The following TRPC4 variants were observed in gnomAD, a reference collection of about 807,000 sequenced individuals.
TRPC4 encodes the protein transient receptor potential cation channel subfamily C member 4.
Under a neutral mutation model 99.4 loss-of-function variants are expected in TRPC4, and 49 were observed. That is an observed-to-expected ratio of 0.49 (90% CI 0.39 to 0.63). The LOEUF (loss-of-function observed/expected upper bound fraction) is 0.63, where lower values mean the gene tolerates loss of function less well. Ranked by LOEUF, TRPC4 falls within the 20% of genes least tolerant of loss-of-function variation. The probability of loss-of-function intolerance (pLI) is 0.00; values close to 1 mark genes in which losing one functional copy is unlikely to be tolerated. For synonymous variants in TRPC4, 454 were observed against 425.9 expected, an observed-to-expected ratio of 1.07 and a Z score of -0.81; for missense variants, 898 against 1,152.9, an observed-to-expected ratio of 0.78 and a Z score of 3.20.
At chr13:37,716,371 T>C (rs1286263113) in intron 3 of TRPC4, among the ~76,000 whole-genome samples, 1 of 152,168 alleles carries the variant, frequency 6.6e-6, no homozygotes, top group Non-Finnish European at 1.5e-5. Context: ...TATAAGTACA[T>C]TAATTTTAAA....
chr13:37,634,107 C>A lies in TRPC4; in HGVS notation c.*2796G>T, dbSNP rs187848242. ...CAGATTTTTTAAGATTAAGAGAGTA[C>A]GAAAAATGAGAAACATTATTTATGT... On this transcript the variant is annotated 3_prime_UTR_variant, in exon 11 of 11. Coordinates refer to ENST00000379705, the MANE Select transcript of TRPC4 (RefSeq NM_016179.4). Among the ~76,000 whole-genome samples, 1 of 151,746 alleles carries A rather than the reference C, an allele frequency of 6.6e-6. No individual in the cohort carries two copies. Among genetic ancestry groups the A allele is most frequent in the Non-Finnish European group, 1.5e-5 (1 of 67,906 alleles).
intron 2 of TRPC4, among the ~76,000 whole-genome samples, chr13:37,774,041 T>A (rs938003787): frequency 1.3e-5 from 2 of 151,758 alleles, no homozygotes. Context: ...CTAGTGTTGC[T>A]TAGTGATTAA....
intron 1 of TRPC4, among the ~76,000 whole-genome samples, chr13:37,863,459 T>C (rs556797056): frequency 6.6e-6 from 1 of 151,740 alleles, no homozygotes; most frequent in Non-Finnish European, 1.5e-5. Context: ...TACTTATATG[T>C]ATGTTGTATA....
At chr13:37,726,276 A>G (rs893141234) in intron 3 of TRPC4, among the ~76,000 whole-genome samples, 3 of 152,146 alleles carry the variant, frequency 2.0e-5, no homozygotes, top group African/African-American at 7.2e-5. Flanking sequence ...TAAGAGACAA[A>G]TGCATTTTAA....
intron 2 of TRPC4, among the ~76,000 whole-genome samples, chr13:37,781,382 C>G (rs895032171): frequency 2.0e-5 from 3 of 151,918 alleles, no homozygotes; most frequent in African/African-American, 7.3e-5. Context: ...TTAGAAAATG[C>G]AAATACTTGA....
intron 1 of TRPC4, among the ~76,000 whole-genome samples, chr13:37,864,434 T>A (rs2139732593): frequency 6.6e-6 from 1 of 151,782 alleles, no homozygotes; most frequent in South Asian, 2.1e-4. Context: ...AAATTATTTT[T>A]GTAACATAAG....
Position 37,651,481 on chromosome 13 carries a change from C to T in TRPC4, c.1885-22G>A, listed in dbSNP as rs779353604. ...GGTCCTGAACAGGAGAACATGACAA[C>T]TGATGATAGGTTCCTTAATTAACAA... On this transcript the variant is annotated intron_variant, in intron 7 of 10. Transcript: ENST00000379705. 3.1e-6 allele frequency: 5 copies of T among 1,603,904 alleles called. No individual in the cohort carries two copies. In the East Asian group the frequency reaches 1.1e-4, roughly 36 times the overall value.
chr13:37,789,984 C>T (rs1271263077), intron 1 of TRPC4, among the ~76,000 whole-genome samples: 1 of 152,026 alleles, frequency 6.6e-6, no homozygotes, highest in African/African-American at 2.4e-5. Context: ...GAGAATAAAA[C>T]ATGCATATTA....
chr13:37,820,269 C>A (rs1957975799), intron 1 of TRPC4, among the ~76,000 whole-genome samples: 1 of 151,910 alleles, frequency 6.6e-6, no homozygotes, highest in Admixed American at 6.6e-5. Flanking sequence ...CTGAACAGAC[C>A]AATAACAAGT....
intron 1 of TRPC4, among the ~76,000 whole-genome samples, chr13:37,815,887 T>TA (rs35428578): frequency 0.29 from 43,122 of 150,680 alleles, 6,334 homozygotes; most frequent in East Asian, 0.43. Flanking sequence ...CTCAGTAAAT[T>TA]AAAAAAAAAT....
chr13:37,708,607 A>T (rs911020771), intron 3 of TRPC4, among the ~76,000 whole-genome samples: 30 of 151,486 alleles, frequency 2.0e-4, no homozygotes, highest in African/African-American at 7.3e-4. Context: ...ATGTTTTCAT[A>T]TCTACCCTTA....
intron 1 of TRPC4, among the ~76,000 whole-genome samples, chr13:37,829,039 C>T (rs756708324): frequency 1.3e-5 from 2 of 152,170 alleles, no homozygotes; most frequent in South Asian, 2.1e-4. Context: ...GTATAAATCC[C>T]GAAGACCTTG....
intron 2 of TRPC4, among the ~76,000 whole-genome samples, chr13:37,753,082 AG>A (rs1458362498): frequency 1.3e-5 from 2 of 151,942 alleles, no homozygotes; most frequent in Admixed American, 1.3e-4. Context: ...AATAAAACAA[AG>A]GGGAAATTAA....
At chr13:37,766,883 T>C (rs1284940316) in intron 2 of TRPC4, among the ~76,000 whole-genome samples, 1 of 151,368 alleles carries the variant, frequency 6.6e-6, no homozygotes. Flanking sequence ...GATTTATAAA[T>C]GTAAGGAGGA....
chr13:37,728,143 C>T (rs1254915891), intron 3 of TRPC4, among the ~76,000 whole-genome samples: 1 of 151,774 alleles, frequency 6.6e-6, no homozygotes, highest in Non-Finnish European at 1.5e-5. Context: ...AAGCGAGGTG[C>T]CTGCTGTCAC....
intron 3 of TRPC4, among the ~76,000 whole-genome samples, chr13:37,737,231 A>G (rs1246594701): frequency 6.6e-6 from 1 of 150,902 alleles, no homozygotes; most frequent in Non-Finnish European, 1.5e-5. Flanking sequence ...AAATAGTAAT[A>G]ATAATAATAA....
At chr13:37,644,310 A>G (rs1449367295) in intron 8 of TRPC4, among the ~76,000 whole-genome samples, 1 of 152,168 alleles carries the variant, frequency 6.6e-6, no homozygotes, top group Non-Finnish European at 1.5e-5. Context: ...AGAAATGAAC[A>G]ATTTGTGATT....
chr13:37,716,723 C>A (rs767719887), intron 3 of TRPC4, among the ~76,000 whole-genome samples: 182 of 152,062 alleles, frequency 1.2e-3, no homozygotes, highest in Non-Finnish European at 1.7e-3. Context: ...TTAAAAAAAA[C>A]CACGCACTCT....
intron 8 of TRPC4, among the ~76,000 whole-genome samples, chr13:37,650,135 G>T (rs1175405371): frequency 6.6e-6 from 1 of 152,190 alleles, no homozygotes; most frequent in African/African-American, 2.4e-5. Flanking sequence ...GACAATGCCT[G>T]GTGGGCAATG....
Sources: gnomAD v4.1 joint callset for allele counts (sites outside exome capture counted in the v4.1 genomes callset) on GRCh38, gnomAD v4.1.1 for gene constraint, MANE v1.5 for transcripts, NCBI Gene and HGNC (gene_info 2026-07-23, HGNC 2026-07-21) for gene names.